The following PIEZO2 variants were observed in gnomAD, a reference collection of about 807,000 sequenced individuals.
The protein encoded by PIEZO2 is piezo-type mechanosensitive ion channel component 2.
PIEZO2 carries 172 observed loss-of-function variants against 337.3 expected under a neutral mutation model. The ratio of observed to expected loss-of-function variants is 0.51; its 90% CI spans 0.45 to 0.58. The LOEUF (loss-of-function observed/expected upper bound fraction) is 0.58, where lower values mean the gene tolerates loss of function less well. Among genes scored for constraint, PIEZO2 ranks in the 20% least tolerant of loss-of-function variants. The probability of loss-of-function intolerance (pLI) is 0.00; values close to 1 mark genes in which losing one functional copy is unlikely to be tolerated. For synonymous variants in PIEZO2, 1,251 were observed against 1,228.5 expected (o/e 1.02, Z -0.38); for missense variants, 3,028 against 3,391.3 (o/e 0.89, Z 2.66).
chr18:10,717,615 C>A (rs755171517), intron 37 of PIEZO2, among the ~76,000 whole-genome samples: 2 of 152,146 alleles, frequency 1.3e-5, no homozygotes, highest in Non-Finnish European at 2.9e-5. Flanking sequence ...ATAAAGATAC[C>A]TTCCTCCAAA....
intron 2 of PIEZO2, among the ~76,000 whole-genome samples, chr18:11,053,202 G>T (rs1278738218): frequency 6.6e-6 from 1 of 152,172 alleles, no homozygotes; most frequent in African/African-American, 2.4e-5. Context: ...AGGGCTATCA[G>T]CTCTTTAATG....
In PIEZO2 at chr18:10,795,027, C is replaced by T. The variant is rs537266849; in HGVS notation, c.1528-25G>A. The T allele has an allele frequency of 2.2e-4, 344 of 1,529,842 alleles. 1 individual carries two copies. Among genetic ancestry groups the T allele is most frequent in the Non-Finnish European group, 2.9e-4 (327 of 1,133,418 alleles). The allele number at this position is 1,529,842 out of a possible 1,614,324, so 94.8% of individuals were successfully genotyped here. ...CCTCCGGAGGACAGAAAAGGAAACACGACCATGGTCAATACAATGCTCAGT... is the reference window on the plus strand; with the variant it reads ...CCTCCGGAGGACAGAAAAGGAAACATGACCATGGTCAATACAATGCTCAGT... On this transcript the variant is annotated intron_variant, in intron 12 of 55. Coordinates refer to ENST00000674853, the MANE Select transcript of PIEZO2 (RefSeq NM_001378183.1). This position sits in a 1 kb window ranked among gnomAD's most constrained non-coding sequence, Gnocchi z 4.4.
chr18:10,784,610 C>T lies in PIEZO2; in HGVS notation c.2492+174G>A, dbSNP rs543187850. Among the ~76,000 whole-genome samples, 4 of 152,310 alleles carry T rather than the reference C, an allele frequency of 2.6e-5. No homozygotes were observed. In the East Asian group the frequency reaches 5.8e-4, roughly 22 times the overall value. ...TAAGTCACTACCCATTGTTTCAGAA[C>T]GTGTCACAGAATCTTCCACATGTTT... On this transcript the variant is annotated intron_variant, in intron 17 of 55. Transcript: ENST00000674853. This position sits in a 1 kb window ranked among gnomAD's most constrained non-coding sequence, Gnocchi z 4.5.
chr18:11,139,357 G>C (rs1166249409), intron 1 of PIEZO2, among the ~76,000 whole-genome samples: 2 of 152,144 alleles, frequency 1.3e-5, no homozygotes, highest in Non-Finnish European at 2.9e-5. Flanking sequence ...GCAAATAAAA[G>C]AAGGAGGAAG....
intron 2 of PIEZO2, among the ~76,000 whole-genome samples, chr18:10,981,139 C>G (rs181377553): frequency 1.3e-5 from 2 of 151,838 alleles, no homozygotes; most frequent in Non-Finnish European, 2.9e-5. Flanking sequence ...AAACATTAAT[C>G]GTATATATAT....
In PIEZO2 at chr18:10,985,940, C is replaced by T. The variant is rs149994621; in HGVS notation, c.161-6280G>A. 1.8e-4 allele frequency among the ~76,000 whole-genome samples: 27 copies of T among 151,400 alleles called. 1 individual carries two copies. The highest frequency in any genetic ancestry group is 1.0e-3 in the South Asian group (5 of 4,810). On this transcript the variant is annotated intron_variant, in intron 2 of 55. Coordinates refer to ENST00000674853, the MANE Select transcript of PIEZO2 (RefSeq NM_001378183.1). ...CTCCCATTAAAATATATAGGGTAGC[C>T]GAATGGATAAAAAAAAATCCAGCTA... is the stretch of plus-strand genomic sequence containing the variant.
intron 3 of PIEZO2, among the ~76,000 whole-genome samples, chr18:10,926,209 T>C (rs2031729027): frequency 1.3e-5 from 2 of 152,180 alleles, no homozygotes; most frequent in African/African-American, 4.8e-5. Context: ...GGCTGACCAC[T>C]GCCGGGGGAG....
intron 3 of PIEZO2, among the ~76,000 whole-genome samples, chr18:10,931,726 G>A (rs2032100469): frequency 1.3e-5 from 2 of 152,030 alleles, no homozygotes; most frequent in African/African-American, 4.8e-5. Flanking sequence ...GAGAGAGAGA[G>A]AGAGAGAGAG....
Position 10,726,341 on chromosome 18 carries a change from G to C in PIEZO2, c.5029+5066C>G. ...TGGGTCCCCGAACGCCCCGCCCAGC[G>C]CTGCCTCCCTTCGCCTTCCCCGCAG... On this transcript the variant is annotated intron_variant, in intron 36 of 55. Transcript: ENST00000674853. The surrounding 1 kb of genome is among the most constrained non-coding windows in gnomAD (Gnocchi z 5.9). The C allele has an allele frequency of 6.8e-7, 1 of 1,481,116 alleles. No homozygotes were observed. The highest frequency in any genetic ancestry group is 9.0e-7 in the Non-Finnish European group (1 of 1,112,452). The allele number at this position is 1,481,116 out of a possible 1,614,324, so 91.7% of individuals were successfully genotyped here.
chr18:10,960,353 C>T (rs1242073431), intron 3 of PIEZO2, among the ~76,000 whole-genome samples: 1 of 152,056 alleles, frequency 6.6e-6, no homozygotes, highest in Non-Finnish European at 1.5e-5. Context: ...CAAACTCTAC[C>T]ACAGAAGTAG....
intron 17 of PIEZO2, among the ~76,000 whole-genome samples, chr18:10,782,853 C>T (rs180999290): frequency 1.7e-4 from 26 of 152,224 alleles, no homozygotes; most frequent in Admixed American, 1.5e-3. Flanking sequence ...GCTATACACG[C>T]TTAAAGGGAA....
Position 11,097,382 on chromosome 18 carries a change from G to A in PIEZO2, c.65-31160C>T, listed in dbSNP as rs968667034. 3.3e-5 allele frequency among the ~76,000 whole-genome samples: 5 copies of A among 152,264 alleles called. No individual in the cohort carries two copies. The highest frequency in any genetic ancestry group is 1.3e-4 in the Admixed American group (2 of 15,292). On this transcript the variant is annotated intron_variant, in intron 1 of 55. Coordinates refer to ENST00000674853, the MANE Select transcript of PIEZO2 (RefSeq NM_001378183.1). The surrounding 1 kb of genome is among the most constrained non-coding windows in gnomAD (Gnocchi z 5.0). Reference sequence around the variant, plus strand: ...AAAGTCTCACGACTGCAACAGAGCCGGCGTGCTGTGCAACGCCTGACTCAT... The same window carrying A: ...AAAGTCTCACGACTGCAACAGAGCCAGCGTGCTGTGCAACGCCTGACTCAT...
chr18:11,046,988 C>T (rs758256651), intron 2 of PIEZO2, among the ~76,000 whole-genome samples: 1 of 152,208 alleles, frequency 6.6e-6, no homozygotes, highest in Non-Finnish European at 1.5e-5. Flanking sequence ...TGCTAGCCCA[C>T]TCATGGGACT....
intron 1 of PIEZO2, among the ~76,000 whole-genome samples, chr18:11,089,274 T>G (rs1363977224): frequency 2.0e-5 from 3 of 152,176 alleles, no homozygotes; most frequent in Non-Finnish European, 4.4e-5. Context: ...TTAATCTGTC[T>G]TGACAACAGA....
chr18:10,807,702 T>A (rs986451029), intron 7 of PIEZO2, among the ~76,000 whole-genome samples: 1 of 152,194 alleles, frequency 6.6e-6, no homozygotes, highest in Non-Finnish European at 1.5e-5. Context: ...TGTTTTTGGC[T>A]AGGTTCAGCA....
At chr18:10,913,746 T>A (rs1329233944) in intron 3 of PIEZO2, among the ~76,000 whole-genome samples, 1 of 152,098 alleles carries the variant, frequency 6.6e-6, no homozygotes, top group Admixed American at 6.5e-5. Context: ...AGACACTCAG[T>A]ACTCCTGAGA....
intron 1 of PIEZO2, among the ~76,000 whole-genome samples, chr18:11,068,592 T>C (rs1382556696): frequency 6.6e-6 from 1 of 150,478 alleles, no homozygotes. Context: ...AAAAGAAAGA[T>C]CTCAAACAAC....
chr18:10,898,167 G>A (rs969132045), intron 4 of PIEZO2, among the ~76,000 whole-genome samples: 4 of 152,220 alleles, frequency 2.6e-5, no homozygotes, highest in Non-Finnish European at 4.4e-5. Flanking sequence ...ACCTAAGAGA[G>A]ACTCTGTATA....
At position 10,766,776 on chromosome 18, in the gene PIEZO2, CCATCAGG is replaced by C. The variant is rs2143931004; in HGVS notation, c.2946+3365_2946+3371del. Among the ~76,000 whole-genome samples, 1 of 152,334 alleles carries C rather than the reference CCATCAGG, an allele frequency of 6.6e-6. No homozygotes were observed. Among genetic ancestry groups the C allele is most frequent in the South Asian group, 2.1e-4 (1 of 4,822 alleles). ...TTTTAGTTTTATTTGGCAGCCATTCCCATCAGGCTGTGAGCTCAGACAAGAAGTGTGT... is the reference window on the plus strand; with the variant it reads ...TTTTAGTTTTATTTGGCAGCCATTCCCTGTGAGCTCAGACAAGAAGTGTGT... On this transcript the variant is annotated intron_variant, in intron 21 of 55. Coordinates refer to ENST00000674853, the MANE Select transcript of PIEZO2 (RefSeq NM_001378183.1). This position sits in a 1 kb window ranked among gnomAD's most constrained non-coding sequence, Gnocchi z 6.1.
Sources: allele counts gnomAD v4.1 joint callset (sites outside exome capture counted in the v4.1 genomes callset), GRCh38; gene constraint gnomAD v4.1.1; non-coding constraint Gnocchi (gnomAD v3.1); transcripts MANE v1.5; gene names NCBI Gene and HGNC (gene_info 2026-07-23, HGNC 2026-07-21).